MYT1L: variants seen among roughly 807,000 people sequenced by gnomAD.
MYT1L encodes myelin transcription factor 1-like protein.
A neutral mutation model predicts 126.7 loss-of-function variants in MYT1L; 12 were observed. The ratio of observed to expected loss-of-function variants is 0.09; its 90% CI spans 0.06 to 0.15. The LOEUF (loss-of-function observed/expected upper bound fraction) is 0.15, where lower values mean the gene tolerates loss of function less well. Among genes scored for constraint, MYT1L ranks in the 10% least tolerant of loss-of-function variants. The pLI is 1.00. For missense variants in MYT1L, 979 were observed against 1,585.2 expected, an observed-to-expected ratio of 0.62 and a Z score of 6.49; for synonymous variants, 541 against 604.2, an observed-to-expected ratio of 0.90 and a Z score of 1.53.
intron 18 of MYT1L, among the ~76,000 whole-genome samples, chr2:1,866,726 G>A (rs1262676283): frequency 2.9e-5 from 3 of 102,230 alleles, no homozygotes; most frequent in African/African-American, 7.4e-5. Flanking sequence ...AGGCAGAGAG[G>A]GAGGGAGAGA....
At chr2:1,996,865 G>C (rs2061916254) in intron 5 of MYT1L, among the ~76,000 whole-genome samples, 1 of 138,696 alleles carries the variant, frequency 7.2e-6, no homozygotes, top group Non-Finnish European at 1.5e-5. Context: ...TAGTGAGTGA[G>C]GGCCGCCCTG....
intron 3 of MYT1L, among the ~76,000 whole-genome samples, chr2:2,167,970 A>T (rs2089435055): frequency 6.6e-6 from 1 of 152,204 alleles, no homozygotes; most frequent in Non-Finnish European, 1.5e-5. Context: ...GGGGCATTTC[A>T]AATAATTCAC....
In MYT1L at chr2:2,164,344, T is replaced by C. The variant is rs147414316; in HGVS notation, c.-304+8528A>G. 5.7e-3 allele frequency among the ~76,000 whole-genome samples: 870 copies of C among 152,348 alleles called. 3 individuals are homozygous for C. The highest frequency in any genetic ancestry group is 7.0e-3 in the Non-Finnish European group (478 of 68,028). On this transcript the variant is annotated intron_variant, in intron 3 of 24. Transcript: ENST00000647738. Reference sequence around the variant, plus strand: ...CTTTTAAGTATTCCCTTGGAACTTATCATTTCCTGCTGCCATTTGTGTTTC... The same window carrying C: ...CTTTTAAGTATTCCCTTGGAACTTACCATTTCCTGCTGCCATTTGTGTTTC...
chr2:2,038,103 AC>A (rs1448018125), intron 4 of MYT1L, among the ~76,000 whole-genome samples: 1 of 152,178 alleles, frequency 6.6e-6, no homozygotes, highest in Non-Finnish European at 1.5e-5. Context: ...GAGCAATAGG[AC>A]CGGGACTACA....
At chr2:2,048,132 C>T (rs372701883) in intron 4 of MYT1L, among the ~76,000 whole-genome samples, 1 of 152,044 alleles carries the variant, frequency 6.6e-6, no homozygotes, top group Non-Finnish European at 1.5e-5. Context: ...TTTTGTGAAG[C>T]GGGGATAGAG....
intron 2 of MYT1L, among the ~76,000 whole-genome samples, chr2:2,211,459 T>C (rs2093503504): frequency 6.6e-6 from 1 of 152,176 alleles, no homozygotes; most frequent in Non-Finnish European, 1.5e-5. Context: ...CATCCACTAA[T>C]AGCAAATTTG....
At chr2:1,903,571 G>C (rs1277544391) in intron 13 of MYT1L, among the ~76,000 whole-genome samples, 1 of 152,122 alleles carries the variant, frequency 6.6e-6, no homozygotes. Context: ...CCTGTAAGAG[G>C]TCTGGTGGCT....
Position 1,830,008 on chromosome 2 carries a change from C to T in MYT1L, c.3080+9141G>A, listed in dbSNP as rs577643484. ...TAGGAGCTGTGTGTGCAGCGCCGAGCGAGGTGCCCCAGATGTGCAGGAAGG... is the reference window on the plus strand; with the variant it reads ...TAGGAGCTGTGTGTGCAGCGCCGAGTGAGGTGCCCCAGATGTGCAGGAAGG... On this transcript the variant is annotated intron_variant, in intron 21 of 24. Coordinates refer to ENST00000647738, the MANE Select transcript of MYT1L (RefSeq NM_001303052.2). Among the ~76,000 whole-genome samples the T allele has an allele frequency of 5.9e-5, 9 of 152,258 alleles. No homozygotes were observed. The East Asian group carries it at 1.2e-3, about 20-fold the overall frequency.
rs75752582 is a variant in MYT1L at position 2,020,952 on chromosome 2, G to A, written c.-157-23605C>T. Reference sequence around the variant, plus strand: ...TCTGAGCAGCTCCTTCCAGAAGACCGAGGACCTTCCCTCCTGCAGCAGAAG... The same window carrying A: ...TCTGAGCAGCTCCTTCCAGAAGACCAAGGACCTTCCCTCCTGCAGCAGAAG... On this transcript the variant is annotated intron_variant, in intron 4 of 24. Transcript: ENST00000647738. Among the ~76,000 whole-genome samples, 1,391 of 152,322 alleles carry A rather than the reference G, an allele frequency of 9.1e-3. 30 individuals are homozygous for A. Among genetic ancestry groups the A allele is most frequent in the African/African-American group, 0.031 (1,296 of 41,578 alleles).
chr2:1,819,986 T>A (rs2038270827), intron 21 of MYT1L, among the ~76,000 whole-genome samples: 2 of 150,554 alleles, frequency 1.3e-5, no homozygotes, highest in African/African-American at 2.5e-5. Context: ...GGTAGAGAGC[T>A]CACTGGCAGC....
chr2:2,076,875 TTGG>T (rs2075288047), intron 3 of MYT1L, among the ~76,000 whole-genome samples: 1 of 152,166 alleles, frequency 6.6e-6, no homozygotes, highest in Non-Finnish European at 1.5e-5. Context: ...GATTTGGGAC[TTGG>T]TGAAGACTTT....
chr2:2,179,778 G>C (rs2091215800), intron 2 of MYT1L, among the ~76,000 whole-genome samples: 1 of 152,138 alleles, frequency 6.6e-6, no homozygotes, highest in African/African-American at 2.4e-5. Context: ...CACCTTATGT[G>C]ACCTTTAGTT....
chr2:2,262,247 T>C (rs2094988413), intron 2 of MYT1L, among the ~76,000 whole-genome samples: 2 of 152,190 alleles, frequency 1.3e-5, no homozygotes, highest in Admixed American at 6.5e-5. Context: ...TCTTAAGTTC[T>C]CTTTCTGGAA....
intron 1 of MYT1L, among the ~76,000 whole-genome samples, chr2:2,302,060 T>C (rs189541897): frequency 4.6e-5 from 7 of 152,224 alleles, no homozygotes; most frequent in Non-Finnish European, 8.8e-5. Flanking sequence ...AAAATTGATA[T>C]CCACAATGGG....
At chr2:2,177,378 T>G (rs1051797358) in intron 2 of MYT1L, among the ~76,000 whole-genome samples, 6 of 152,234 alleles carry the variant, frequency 3.9e-5, no homozygotes, top group African/African-American at 1.4e-4. Context: ...ATAGGCAATC[T>G]AAGACTGACC....
chr2:1,830,470 A>G (rs1336843958), intron 21 of MYT1L, among the ~76,000 whole-genome samples: 3 of 151,916 alleles, frequency 2.0e-5, no homozygotes, highest in Non-Finnish European at 2.9e-5. Context: ...AGATGGGGAG[A>G]TGGAGGAAAG....
intron 3 of MYT1L, among the ~76,000 whole-genome samples, chr2:2,106,847 A>G (rs2078823828): frequency 6.6e-6 from 1 of 152,152 alleles, no homozygotes; most frequent in Non-Finnish European, 1.5e-5. Context: ...GTGCCCCCAA[A>G]CCTGTCCCCA....
At chr2:2,198,240 A>G (rs1309875425) in intron 2 of MYT1L, among the ~76,000 whole-genome samples, 1 of 152,146 alleles carries the variant, frequency 6.6e-6, no homozygotes, top group Non-Finnish European at 1.5e-5. Context: ...AAAGAATAGA[A>G]CAGTGGTTAC....
At chr2:2,072,621 C>T (rs1032016412) in intron 3 of MYT1L, among the ~76,000 whole-genome samples, 5 of 152,186 alleles carry the variant, frequency 3.3e-5, no homozygotes, top group South Asian at 4.1e-4. Context: ...TGTGTCCCCG[C>T]GCAAATCCGA....
Sources: allele counts gnomAD v4.1 joint callset (sites outside exome capture counted in the v4.1 genomes callset), GRCh38; gene constraint gnomAD v4.1.1; transcripts MANE v1.5; gene names NCBI Gene and HGNC (gene_info 2026-07-23, HGNC 2026-07-21).